MARCHF11: variants seen among roughly 807,000 people sequenced by gnomAD.
MARCHF11 encodes the protein membrane associated ring-CH-type finger 11.
A neutral mutation model predicts 37.3 loss-of-function variants in MARCHF11; 29 were observed. That is an observed-to-expected ratio of 0.78 (90% CI 0.58 to 1.06). MARCHF11 has a LOEUF of 1.06. MARCHF11 is among the 50% of genes least tolerant of loss of function. The pLI is 0.00. For missense variants in MARCHF11, 482 were observed against 533.4 expected, an observed-to-expected ratio of 0.90 and a Z score of 0.95; for synonymous variants, 233 against 228.0, an observed-to-expected ratio of 1.02 and a Z score of -0.20.
intron 2 of MARCHF11, among the ~76,000 whole-genome samples, chr5:16,151,800 T>C (rs1737895480): frequency 6.6e-6 from 1 of 151,868 alleles, no homozygotes. Flanking sequence ...CAAAAAATCT[T>C]TGACAAGAAA....
intron 3 of MARCHF11, among the ~76,000 whole-genome samples, chr5:16,069,990 G>T (rs770786446): frequency 1.3e-5 from 2 of 152,068 alleles, no homozygotes; most frequent in East Asian, 3.9e-4. Flanking sequence ...AAATGCATGT[G>T]GTCTAACAAG....
At chr5:16,122,525 G>A (rs866734285) in intron 2 of MARCHF11, among the ~76,000 whole-genome samples, 15 of 152,176 alleles carry the variant, frequency 9.9e-5, no homozygotes, top group Non-Finnish European at 1.9e-4. Flanking sequence ...AGTGTACAAT[G>A]TGGCTTTCTT....
chr5:16,079,224 C>G (rs1025696543), intron 3 of MARCHF11, among the ~76,000 whole-genome samples: 1 of 152,200 alleles, frequency 6.6e-6, no homozygotes, highest in Non-Finnish European at 1.5e-5. Context: ...CAATTCCAAG[C>G]TCTGAAGCTC....
At chr5:16,121,463 T>C (rs1198093605) in intron 2 of MARCHF11, among the ~76,000 whole-genome samples, 2 of 152,032 alleles carry the variant, frequency 1.3e-5, no homozygotes, top group Admixed American at 6.6e-5. Context: ...AACAAGTAAA[T>C]AAATGAATGA....
chr5:16,141,689 T>C (rs1291731530), intron 2 of MARCHF11: 3 of 152,212 alleles, frequency 2.0e-5, no homozygotes, highest in Admixed American at 2.0e-4. Context: ...TTGAAGTAAA[T>C]TGTTGTTTTT....
chr5:16,150,214 C>A (rs1737868889), intron 2 of MARCHF11, among the ~76,000 whole-genome samples: 1 of 149,358 alleles, frequency 6.7e-6, no homozygotes, highest in East Asian at 1.9e-4. Flanking sequence ...TTATATAATT[C>A]TTAGAATTTA....
At chr5:16,165,051 C>T (rs781366891) in intron 2 of MARCHF11, among the ~76,000 whole-genome samples, 19 of 152,174 alleles carry the variant, frequency 1.2e-4, no homozygotes, top group Non-Finnish European at 1.5e-4. Flanking sequence ...GCCACATGGT[C>T]TTTTTATTCC....
intron 2 of MARCHF11, among the ~76,000 whole-genome samples, chr5:16,135,926 TA>T (rs5866172): frequency 1.9e-5 from 2 of 102,894 alleles, no homozygotes; most frequent in Non-Finnish European, 2.2e-5. Context: ...GAGAAAGAAA[TA>T]AAAAAAAGGA....
chr5:16,114,938 A>T (rs775835588), intron 2 of MARCHF11, among the ~76,000 whole-genome samples: 7 of 152,184 alleles, frequency 4.6e-5, no homozygotes, highest in Non-Finnish European at 2.9e-5. Context: ...TGTGATGTGG[A>T]ATCAAAAACC....
intron 2 of MARCHF11, among the ~76,000 whole-genome samples, chr5:16,167,418 T>C (rs1738190120): frequency 6.6e-6 from 1 of 152,042 alleles, no homozygotes; most frequent in Non-Finnish European, 1.5e-5. Flanking sequence ...AAGAAAATAA[T>C]GATGTTCCAG....
intron 2 of MARCHF11, among the ~76,000 whole-genome samples, chr5:16,112,292 C>G (rs946682452): frequency 6.6e-6 from 1 of 152,180 alleles, no homozygotes; most frequent in Non-Finnish European, 1.5e-5. Context: ...TGACAGCAGT[C>G]AAGAGTGGGG....
chr5:16,178,139 C>T (rs1331186342), intron 1 of MARCHF11, among the ~76,000 whole-genome samples: 3 of 152,304 alleles, frequency 2.0e-5, no homozygotes, highest in South Asian at 2.1e-4. Context: ...TCCCAATACC[C>T]GTGGGGGAAA....
intron 2 of MARCHF11, among the ~76,000 whole-genome samples, chr5:16,151,659 G>C (rs1024263701): frequency 8.9e-5 from 13 of 145,306 alleles, no homozygotes; most frequent in Admixed American, 8.9e-4. Flanking sequence ...ATGTGTGTGT[G>C]TGTGTGTGTG....
intron 3 of MARCHF11, among the ~76,000 whole-genome samples, chr5:16,087,467 T>C (rs1736717685): frequency 6.6e-6 from 1 of 152,228 alleles, no homozygotes; most frequent in Admixed American, 6.5e-5. Context: ...CATTCCACTA[T>C]GTAGAATCTG....
At chr5:16,122,034 G>A (rs1579394206) in intron 2 of MARCHF11, among the ~76,000 whole-genome samples, 1 of 152,250 alleles carries the variant, frequency 6.6e-6, no homozygotes, top group South Asian at 2.1e-4. Flanking sequence ...AGAGAATTTA[G>A]GTACTCTGTC....
At chr5:16,122,254 A>AT (rs1387783800) in intron 2 of MARCHF11, among the ~76,000 whole-genome samples, 1 of 152,122 alleles carries the variant, frequency 6.6e-6, no homozygotes, top group African/African-American at 2.4e-5. Flanking sequence ...ATGCACACGT[A>AT]TAAGCATGCA....
At chr5:16,085,157 G>T (rs548325894) in intron 3 of MARCHF11, among the ~76,000 whole-genome samples, 4 of 152,158 alleles carry the variant, frequency 2.6e-5, no homozygotes, top group African/African-American at 9.6e-5. Flanking sequence ...ACACTAAAAA[G>T]AGACAAACTA....
At chr5:16,175,647 G>C (rs1738342957) in intron 2 of MARCHF11, among the ~76,000 whole-genome samples, 2 of 152,316 alleles carry the variant, frequency 1.3e-5, no homozygotes, top group Non-Finnish European at 2.9e-5. Context: ...ATTTAGAACA[G>C]TGCGTGGCAA....
In MARCHF11 at chr5:16,151,505, T is replaced by C. The variant is rs75290131; in HGVS notation, c.693+26221A>G. Among the ~76,000 whole-genome samples the C allele has an allele frequency of 5.2e-3, 794 of 151,444 alleles. 5 individuals carry two copies. Among genetic ancestry groups the C allele is most frequent in the African/African-American group, 0.019 (765 of 41,212 alleles). On this transcript the variant is annotated intron_variant, in intron 2 of 3. Coordinates refer to ENST00000332432, the MANE Select transcript of MARCHF11 (RefSeq NM_001102562.3). Reference sequence around the variant, plus strand: ...CCCCAAATCCTTTTCCCAGAAACCATTCCCTTGCCACATCCCACACTTTCA... The same window carrying C: ...CCCCAAATCCTTTTCCCAGAAACCACTCCCTTGCCACATCCCACACTTTCA...
Sources: gnomAD v4.1 joint callset for allele counts (sites outside exome capture counted in the v4.1 genomes callset) on GRCh38, gnomAD v4.1.1 for gene constraint, MANE v1.5 for transcripts, NCBI Gene and HGNC (gene_info 2026-07-23, HGNC 2026-07-21) for gene names.